Variants in RSPH14 observed in about 807,000 individuals in gnomAD.
RSPH14 encodes radial spoke head 14 homolog.
In RSPH14, 20 loss-of-function variants were observed where a neutral mutation model predicts 26.7. That is an observed-to-expected ratio of 0.75 (90% CI 0.53 to 1.09). RSPH14 has a LOEUF of 1.09. RSPH14 is among the 50% of genes least tolerant of loss of function. The pLI, the probability that RSPH14 is intolerant of heterozygous loss-of-function variation, is 0.00. For synonymous variants in RSPH14, 177 were observed against 189.3 expected, an observed-to-expected ratio of 0.93 and a Z score of 0.53; for missense variants, 449 against 457.2, an observed-to-expected ratio of 0.98 and a Z score of 0.16.
chr22:23,082,080 G>A (rs541425078), intron 4 of RSPH14, among the ~76,000 whole-genome samples: 33 of 148,288 alleles, frequency 2.2e-4, no homozygotes, highest in Non-Finnish European at 3.4e-4. Flanking sequence ...AGCCGAGATC[G>A]TGCCGCTGCA....
intron 4 of RSPH14, among the ~76,000 whole-genome samples, chr22:23,130,065 AAG>A (rs1390795516): frequency 3.0e-5 from 1 of 33,230 alleles, no homozygotes; most frequent in Non-Finnish European, 6.5e-5. Flanking sequence ...AAGAAAAAGA[AAG>A]AAAGAAAGAA....
the RSPH14 span, among the ~76,000 whole-genome samples, chr22:23,167,668 T>C: frequency 1.2e-4 from 18 of 152,308 alleles, no homozygotes; most frequent in African/African-American, 4.3e-4. Flanking sequence ...ATCGGTTAAA[T>C]TGACACGTTC....
chr22:23,163,606 G>GCTCCCCC, the RSPH14 span: 1 of 125,230 alleles, frequency 8.0e-6, no homozygotes, highest in African/African-American at 2.7e-5. Flanking sequence ...CAAGGTGAAA[G>GCTCCCCC]CCCCCCCCCC....
intron 4 of RSPH14, among the ~76,000 whole-genome samples, chr22:23,115,706 G>T (rs990441876): frequency 6.6e-6 from 1 of 152,188 alleles, no homozygotes; most frequent in Non-Finnish European, 1.5e-5. Context: ...CAAATGGAGG[G>T]GCCCCACCTG....
chr22:23,100,051 G>C (rs781226538), intron 4 of RSPH14, among the ~76,000 whole-genome samples: 1 of 152,264 alleles, frequency 6.6e-6, no homozygotes, highest in Non-Finnish European at 1.5e-5. Flanking sequence ...CCCATTTCCC[G>C]ACGGAGCTGT....
At chr22:23,095,830 C>G (rs111368874) in intron 4 of RSPH14, 2 of 1,613,714 alleles carry the variant, frequency 1.2e-6, no homozygotes, top group South Asian at 2.2e-5. Context: ...GCAACTCAGG[C>G]AAGAGCACCA....
At chr22:23,153,598 C>A in the RSPH14 span, 1 of 985,296 alleles carries the variant, frequency 1.0e-6, no homozygotes, top group Non-Finnish European at 1.2e-6. Context: ...GTACACAGCA[C>A]CCACATCCTT....
At chr22:23,141,420 G>C (rs1336510442) in intron 1 of RSPH14, among the ~76,000 whole-genome samples, 2 of 151,002 alleles carry the variant, frequency 1.3e-5, no homozygotes, top group Non-Finnish European at 2.9e-5. Flanking sequence ...TAGTAGTTAA[G>C]AACTGGCTCC....
chr22:23,078,244 C>T (rs757853135), intron 4 of RSPH14, among the ~76,000 whole-genome samples: 3 of 152,252 alleles, frequency 2.0e-5, no homozygotes, highest in Non-Finnish European at 2.9e-5. Flanking sequence ...AGTGTTGCCT[C>T]CATTATCCAA....
rs67156030 is a variant in RSPH14 at position 23,130,496 on chromosome 22, A to AAGAAAGAAAAGAAAGAAAG, written c.421+3529_421+3530insCTTTCTTTCTTTTCTTTCT. Among the ~76,000 whole-genome samples the AAGAAAGAAAAGAAAGAAAG allele has an allele frequency of 1.8e-5, 2 of 110,692 alleles. 1 individual carries two copies. Among genetic ancestry groups the AAGAAAGAAAAGAAAGAAAG allele is most frequent in the Non-Finnish European group, 3.7e-5 (2 of 54,470 alleles). The allele number at this position is 110,692 out of a possible 152,430, so 72.6% of individuals were successfully genotyped here. A position where few individuals can be genotyped will look rare whatever the true frequency, so the allele number is the denominator to read the frequency against. On this transcript the variant is annotated intron_variant, in intron 4 of 6. Transcript: ENST00000216036. ...GAAAAGAGAAAGAAAGAAGGAAAGA[A>AAGAAAGAAAAGAAAGAAAG]AAAGAAAGAAAGAAAGAAAGAAAGA...
intron 4 of RSPH14, among the ~76,000 whole-genome samples, chr22:23,080,590 G>A (rs1334565832): frequency 6.6e-6 from 1 of 152,238 alleles, no homozygotes; most frequent in Non-Finnish European, 1.5e-5. Flanking sequence ...ATCTGCAGGT[G>A]CAAGGCCCAT....
intron 4 of RSPH14, among the ~76,000 whole-genome samples, chr22:23,088,939 C>T (rs1279741113): frequency 6.6e-6 from 1 of 152,344 alleles, no homozygotes; most frequent in Admixed American, 6.5e-5. Context: ...CTGTGCCTCT[C>T]CCCCAGTCAC....
At chr22:23,119,431 G>T in intron 4 of RSPH14, among the ~76,000 whole-genome samples, 1 of 152,274 alleles carries the variant, frequency 6.6e-6, no homozygotes, top group Admixed American at 6.5e-5. Context: ...TCAGCCTCCC[G>T]CTCTGTCTTG....
At chr22:23,124,045 A>T (rs1403372889) in intron 4 of RSPH14, 1 of 231,086 alleles carries the variant, frequency 4.3e-6, no homozygotes, top group Non-Finnish European at 8.8e-6. Context: ...AGCTCTTTTT[A>T]AAAAACAGCT....
At chr22:23,123,499 G>C in intron 4 of RSPH14, 1 of 1,018,402 alleles carries the variant, frequency 9.8e-7, no homozygotes, top group Non-Finnish European at 1.5e-6. Flanking sequence ...ACGCGTGCTA[G>C]AGAGGCCCAA....
chr22:23,110,275 C>T (rs1286078954), intron 4 of RSPH14, among the ~76,000 whole-genome samples: 1 of 152,080 alleles, frequency 6.6e-6, no homozygotes, highest in Non-Finnish European at 1.5e-5. Flanking sequence ...CCTCGTGAGC[C>T]CAGGAGCCTC....
At chr22:23,151,780 G>A in the RSPH14 span, among the ~76,000 whole-genome samples, 2 of 152,204 alleles carry the variant, frequency 1.3e-5, no homozygotes, top group Non-Finnish European at 2.9e-5. Flanking sequence ...CACAGAGGGT[G>A]AGGGTGGCGG....
intron 4 of RSPH14, among the ~76,000 whole-genome samples, chr22:23,092,324 G>C (rs1423504748): frequency 6.6e-6 from 1 of 152,118 alleles, no homozygotes; most frequent in Non-Finnish European, 1.5e-5. Context: ...GGCTCCCAAC[G>C]CAAGGCTTCC....
chr22:23,080,873 G>C (rs895512514), intron 4 of RSPH14, among the ~76,000 whole-genome samples: 4 of 152,250 alleles, frequency 2.6e-5, no homozygotes, highest in Admixed American at 6.5e-5. Flanking sequence ...ATTAATGGGT[G>C]CTCTCCCTTC....
Sources: gnomAD v4.1 joint callset for allele counts (sites outside exome capture counted in the v4.1 genomes callset) on GRCh38, gnomAD v4.1.1 for gene constraint, MANE v1.5 for transcripts, NCBI Gene and HGNC (gene_info 2026-07-23, HGNC 2026-07-21) for gene names.